Variants in CCL28 observed in about 807,000 individuals in gnomAD.
CCL28 encodes C-C motif chemokine ligand 28, also known as C-C motif chemokine 28.
CCL28 carries 4 observed loss-of-function variants against 7.1 expected under a neutral mutation model. That is an observed-to-expected ratio of 0.56 (90% CI 0.28 to 1.29). The LOEUF is 1.29. Ranked by LOEUF, CCL28 falls within the 50% of genes most tolerant of loss-of-function variation. The pLI, the probability that CCL28 is intolerant of heterozygous loss-of-function variation, is 0.11. For missense variants in CCL28, 151 were observed against 163.4 expected, an observed-to-expected ratio of 0.92 and a Z score of 0.41; for synonymous variants, 55 against 57.8, an observed-to-expected ratio of 0.95 and a Z score of 0.22.
intron 1 of CCL28, among the ~76,000 whole-genome samples, chr5:43,407,343 T>A (rs932751014): frequency 5.3e-5 from 8 of 152,008 alleles, no homozygotes; most frequent in African/African-American, 9.7e-5. Context: ...ATACCACACA[T>A]CTACAACCAT....
chr5:43,404,301 G>A (rs1741172193), intron 1 of CCL28, among the ~76,000 whole-genome samples: 1 of 152,212 alleles, frequency 6.6e-6, no homozygotes, highest in Admixed American at 6.5e-5. Context: ...CAGACTAACA[G>A]CTGATCCCTC....
the CCL28 span, among the ~76,000 whole-genome samples, chr5:43,363,011 C>T: frequency 6.6e-6 from 1 of 152,314 alleles, no homozygotes; most frequent in South Asian, 2.1e-4. Flanking sequence ...GGTGCACATA[C>T]ACTAACATTT....
rs572709027 is a variant in CCL28, at chr5:43,392,863, C to T, written c.65-4387G>A. Among the ~76,000 whole-genome samples, 13 of 152,222 alleles carry T rather than the reference C, an allele frequency of 8.5e-5. No individual in the cohort carries two copies. In the East Asian group the frequency reaches 2.1e-3, roughly 25 times the overall value. On this transcript the variant is annotated intron_variant, in intron 1 of 2. Transcript: ENST00000361115. ...AAAATATTTGGGATACTTATCTCTT[C>T]TCAGTAATTAGAAAATATTTTCTCC...
the CCL28 span, among the ~76,000 whole-genome samples, chr5:43,365,849 G>A: frequency 2.6e-5 from 4 of 152,140 alleles, no homozygotes; most frequent in Non-Finnish European, 2.9e-5. Context: ...TGGAGGCTTT[G>A]TTCATTCCTT....
intron 1 of CCL28, among the ~76,000 whole-genome samples, chr5:43,405,424 A>T (rs145571009): frequency 0.04 from 6,055 of 152,328 alleles, 197 homozygotes; most frequent in Non-Finnish European, 0.063. Flanking sequence ...TGAAGGCAGA[A>T]ATAAAGATGT....
At chr5:43,378,222 A>T (rs1739966199), downstream of CCL28, among the ~76,000 whole-genome samples, 1 of 151,390 alleles carries the variant, frequency 6.6e-6, no homozygotes, top group South Asian at 2.1e-4. Flanking sequence ...ATGGTGGCAC[A>T]TGCCTGTAGT....
At chr5:43,387,937 AC>A (rs1483128250) in intron 2 of CCL28, 1 of 154,872 alleles carries the variant, frequency 6.5e-6, no homozygotes, top group East Asian at 1.9e-4. Context: ...AACTTTTTGA[AC>A]TTTATAATAT....
the CCL28 span, among the ~76,000 whole-genome samples, chr5:43,358,568 G>A: frequency 6.6e-6 from 1 of 152,162 alleles, no homozygotes; most frequent in Non-Finnish European, 1.5e-5. Context: ...GGTTTGATCT[G>A]TTGGACCTAG....
the CCL28 span, among the ~76,000 whole-genome samples, chr5:43,364,254 T>C: frequency 1.3e-5 from 2 of 152,108 alleles, no homozygotes; most frequent in East Asian, 3.8e-4. Flanking sequence ...AGTGATGCTC[T>C]TGGAGGAAAA....
chr5:43,403,487 A>G (rs1343988916), intron 1 of CCL28, among the ~76,000 whole-genome samples: 1 of 152,202 alleles, frequency 6.6e-6, no homozygotes, highest in Non-Finnish European at 1.5e-5. Context: ...CAGAAAGGAC[A>G]TCCACACCAA....
At chr5:43,378,840 A>G (rs944525357), downstream of CCL28, among the ~76,000 whole-genome samples, 2 of 152,196 alleles carry the variant, frequency 1.3e-5, no homozygotes, top group Non-Finnish European at 2.9e-5. Context: ...TCGCACCTGT[A>G]GTCCCAGCTA....
chr5:43,376,827 T>C (rs1488504362), downstream of CCL28: 5 of 152,218 alleles, frequency 3.3e-5, no homozygotes, highest in African/African-American at 9.6e-5. Context: ...TCTTTGATGA[T>C]TTAGCTTCTG....
rs1051167048 is a variant in CCL28 at position 43,382,006 on chromosome 5, T to C, written c.238A>G (p.Thr80Ala). 1 of 1,613,840 alleles carries C rather than the reference T, an allele frequency of 6.2e-7. No homozygotes were observed. The highest frequency in any genetic ancestry group is 1.3e-5 in the African/African-American group (1 of 74,920). Residue 80 changes from threonine to alanine, a missense_variant, in exon 3 of 3, where the codon ACT becomes GCT. By Grantham distance (58) the Thr-to-Ala change is moderately conservative (BLOSUM62 0). Coordinates refer to ENST00000361115, the MANE Select transcript of CCL28 (RefSeq NM_148672.3). ...TGCACTTTCATCCACTGCTTAACAG[T>C]ATGGTTGTGCGGGCTGACACAGATT... Reference protein sequence around the residue: ...RRICVSPHNHTVKQWMKVQAA... With the variant: ...RRICVSPHNHAVKQWMKVQAA...
intron 1 of CCL28, among the ~76,000 whole-genome samples, chr5:43,396,086 G>T (rs1740790129): frequency 6.6e-6 from 1 of 151,996 alleles, no homozygotes; most frequent in African/African-American, 2.4e-5. Flanking sequence ...TAGCCAGGAT[G>T]GTCTCGATCT....
the CCL28 span, among the ~76,000 whole-genome samples, chr5:43,363,779 T>TAC: frequency 6.6e-6 from 1 of 152,196 alleles, no homozygotes; most frequent in Non-Finnish European, 1.5e-5. Context: ...TCTCTGATGT[T>TAC]ACCTACATAC....
At chr5:43,389,402 G>A (rs1479834680) in intron 1 of CCL28, among the ~76,000 whole-genome samples, 1 of 148,242 alleles carries the variant, frequency 6.7e-6, no homozygotes, top group African/African-American at 2.6e-5. Context: ...CCTGAACAAG[G>A]TATTGGATTT....
rs548954518 is a variant in CCL28, at chr5:43,379,404, T to C, written c.*2456A>G. The C allele has an allele frequency of 6.6e-6, 1 of 152,310 alleles. No individual in the cohort carries two copies. Among genetic ancestry groups the C allele is most frequent in the South Asian group, 2.1e-4 (1 of 4,826 alleles). The allele number at this position is 152,310 out of a possible 1,614,324, so 9.4% of individuals were successfully genotyped here. A position where few individuals can be genotyped will look rare whatever the true frequency, so the allele number is the denominator to read the frequency against. On this transcript the variant is annotated 3_prime_UTR_variant, in exon 3 of 3. Coordinates refer to ENST00000361115, the MANE Select transcript of CCL28 (RefSeq NM_148672.3). The stretch of plus-strand genomic sequence containing the variant: ...ATTATATTTTATTAATTTTTTCTTA[T>C]TTAAAAAGCTTGTCTCTGCCACTTC...
intron 2 of CCL28, among the ~76,000 whole-genome samples, chr5:43,383,050 C>T (rs1740186481): frequency 6.6e-6 from 1 of 152,056 alleles, no homozygotes; most frequent in Non-Finnish European, 1.5e-5. Context: ...AACTACTGAA[C>T]TCAGGTGATC....
chr5:43,373,659 T>C (rs984195166), downstream of CCL28, among the ~76,000 whole-genome samples: 2 of 152,116 alleles, frequency 1.3e-5, no homozygotes, highest in Non-Finnish European at 2.9e-5. Context: ...AGGGTAACTC[T>C]CCAAGTAAAG....
Sources: gnomAD v4.1 joint callset for allele counts (sites outside exome capture counted in the v4.1 genomes callset) on GRCh38, gnomAD v4.1.1 for gene constraint, MANE v1.5 for transcripts, NCBI Gene and HGNC (gene_info 2026-07-23, HGNC 2026-07-21) for gene names.